Variants in LAMA1 observed in about 807,000 individuals in gnomAD.
The protein encoded by LAMA1 is laminin subunit alpha 1.
A neutral mutation model predicts 348.7 loss-of-function variants in LAMA1; 219 were observed. That is an observed-to-expected ratio of 0.63 (90% CI 0.56 to 0.70). The LOEUF (loss-of-function observed/expected upper bound fraction) is 0.70, where lower values mean the gene tolerates loss of function less well. Among genes scored for constraint, LAMA1 ranks in the 30% least tolerant of loss-of-function variants. The pLI is 0.00. For missense variants in LAMA1, 3,744 were observed against 3,888.0 expected, an observed-to-expected ratio of 0.96 and a Z score of 0.99; for synonymous variants, 1,487 against 1,491.0, an observed-to-expected ratio of 1.00 and a Z score of 0.06.
At position 6,956,631 on chromosome 18, in the gene LAMA1, CCTA is replaced by C; in HGVS notation, c.8094+2_8094+4del. The C allele has an allele frequency of 6.2e-7, 1 of 1,614,100 alleles. No homozygotes were observed. Among genetic ancestry groups the C allele is most frequent in the Non-Finnish European group, 8.5e-7 (1 of 1,180,036 alleles). ...CTGACTGATAGTAAAGGAAGCCGCT[CCTA>C]CTGGAAAAGCCCGGGGCTCTGGCAA... On this transcript the variant is annotated splice_donor_variant and splice_donor_region_variant and intron_variant, in intron 56 of 62. Coordinates refer to ENST00000389658, the MANE Select transcript of LAMA1 (RefSeq NM_005559.4). LOFTEE classifies it high-confidence loss of function.
intron 50 of LAMA1, among the ~76,000 whole-genome samples, 172 bp from the exon 51 acceptor site, chr18:6,964,975 A>G (rs1278952943): frequency 6.6e-6 from 1 of 152,196 alleles, no homozygotes; most frequent in African/African-American, 2.4e-5. Context: ...AATCCTCTCT[A>G]TCAAAGTCAA....
At chr18:7,055,033 G>A (rs974956833) in intron 3 of LAMA1, among the ~76,000 whole-genome samples, 2 of 151,954 alleles carry the variant, frequency 1.3e-5, no homozygotes, top group Non-Finnish European at 2.9e-5. Flanking sequence ...AGTCTTTTAC[G>A]GAAGTCAAAT....
At chr18:7,107,699 C>A (rs181162818) in intron 1 of LAMA1, among the ~76,000 whole-genome samples, 1 of 152,180 alleles carries the variant, frequency 6.6e-6, no homozygotes, top group East Asian at 1.9e-4. Flanking sequence ...TAAGGAAATA[C>A]TATTCTCCTC....
At chr18:7,090,183 AAAAATTATTTTAAACCACTACT>A in intron 1 of LAMA1, among the ~76,000 whole-genome samples, 1 of 152,330 alleles carries the variant, frequency 6.6e-6, no homozygotes, top group East Asian at 1.9e-4. Flanking sequence ...GTTATAAGTT[AAAAATTATTTTAAACCACTACT>A]AAATGAACTC....
chr18:7,063,882 G>A (rs756669578), intron 3 of LAMA1, among the ~76,000 whole-genome samples: 35 of 152,276 alleles, frequency 2.3e-4, no homozygotes, highest in Non-Finnish European at 3.7e-4. Flanking sequence ...GGTGTTTAAG[G>A]GGTACAGAGT....
At chr18:7,084,287 T>A (rs1272568183) in intron 1 of LAMA1, among the ~76,000 whole-genome samples, 1 of 151,986 alleles carries the variant, frequency 6.6e-6, no homozygotes, top group Non-Finnish European at 1.5e-5. Flanking sequence ...GGGAACCACA[T>A]GACCATTGAG....
At chr18:7,081,364 A>G (rs899140824) in intron 1 of LAMA1, among the ~76,000 whole-genome samples, 5 of 152,204 alleles carry the variant, frequency 3.3e-5, no homozygotes, top group African/African-American at 1.2e-4. Context: ...ACTTTGGTCC[A>G]GTTGACTCTG....
intron 3 of LAMA1, among the ~76,000 whole-genome samples, chr18:7,074,164 G>A (rs1486333211): frequency 6.6e-6 from 1 of 152,082 alleles, no homozygotes; most frequent in African/African-American, 2.4e-5. Flanking sequence ...ATAACACTGT[G>A]CCATTTTACA....
At chr18:7,031,432 T>C (rs1408685237) in intron 16 of LAMA1, among the ~76,000 whole-genome samples, 1 of 152,204 alleles carries the variant, frequency 6.6e-6, no homozygotes, top group Non-Finnish European at 1.5e-5. Flanking sequence ...AAGAAGTACC[T>C]GTTTGATTAA....
chr18:6,969,118 C>T (rs75470883), intron 48 of LAMA1, among the ~76,000 whole-genome samples: 1,535 of 151,732 alleles, frequency 0.01, 29 homozygotes, highest in East Asian at 0.083. Flanking sequence ...ATATGTTTTA[C>T]GAGGCAGATG....
intron 3 of LAMA1, among the ~76,000 whole-genome samples, chr18:7,077,171 A>G (rs946258520): frequency 1.3e-5 from 2 of 149,694 alleles, no homozygotes; most frequent in African/African-American, 2.5e-5. Context: ...GCCTATAACT[A>G]TATGTCTATG....
Position 7,053,897 on chromosome 18 carries a change from C to T in LAMA1, c.346-2961G>A, listed in dbSNP as rs907865016. ...CTCCTGGGCTCAAGTGATCCTCCCA[C>T]CTCGGCCTCCAGAGTGGCATGCAGC... On this transcript the variant is annotated intron_variant, in intron 3 of 62. Coordinates refer to ENST00000389658, the MANE Select transcript of LAMA1 (RefSeq NM_005559.4). Among the ~76,000 whole-genome samples, 14 of 152,032 alleles carry T rather than the reference C, an allele frequency of 9.2e-5. No individual in the cohort carries two copies. The East Asian group carries it at 1.2e-3, about 13-fold the overall frequency.
At chr18:7,075,312 A>G (rs1029239188) in intron 3 of LAMA1, among the ~76,000 whole-genome samples, 2 of 152,244 alleles carry the variant, frequency 1.3e-5, no homozygotes, top group East Asian at 1.9e-4. Flanking sequence ...AGGGGGGGGA[A>G]GTTAAAAAAA....
At chr18:7,065,934 T>C (rs550405376) in intron 3 of LAMA1, among the ~76,000 whole-genome samples, 5 of 152,224 alleles carry the variant, frequency 3.3e-5, no homozygotes, top group African/African-American at 9.6e-5. Flanking sequence ...TGCATACAAA[T>C]TGCAAAGAGA....
At position 7,010,394 on chromosome 18, in the gene LAMA1, T is replaced by C. The variant is rs2086126645; in HGVS notation, c.3688-9A>G. ...CCACCATAGGCCATGAGCTATCAAA[T>C]AATAAAGTGTTGTTTACTTCTCTGA... On this transcript the variant is annotated splice_polypyrimidine_tract_variant and intron_variant, in intron 25 of 62. Coordinates refer to ENST00000389658, the MANE Select transcript of LAMA1 (RefSeq NM_005559.4). 1 of 1,613,170 alleles carries C rather than the reference T, an allele frequency of 6.2e-7. No homozygotes were observed. Among genetic ancestry groups the C allele is most frequent in the Non-Finnish European group, 8.5e-7 (1 of 1,179,570 alleles).
chr18:7,025,972 G>T lies in LAMA1; in HGVS notation c.2402+7C>A. On this transcript the variant is annotated splice_region_variant and intron_variant, in intron 17 of 62. Transcript: ENST00000389658. ...GGCAGGAACCGCTGATGAGGTCCGA[G>T]GCTTACTTGTTGGAGGCTATGGTGA... 1 of 1,605,070 alleles carries T rather than the reference G, an allele frequency of 6.2e-7. No individual in the cohort carries two copies. Among genetic ancestry groups the T allele is most frequent in the Admixed American group, 1.7e-5 (1 of 58,792 alleles).
intron 3 of LAMA1, among the ~76,000 whole-genome samples, chr18:7,068,221 A>G (rs61387116): frequency 0.14 from 20,792 of 151,986 alleles, 4,698 homozygotes; most frequent in African/African-American, 0.47. Context: ...GTCCCTGCAC[A>G]CTCTACACCA....
chr18:7,063,601 G>A (rs1318742310), intron 3 of LAMA1, among the ~76,000 whole-genome samples: 2 of 152,130 alleles, frequency 1.3e-5, no homozygotes, highest in African/African-American at 2.4e-5. Context: ...AACAGCCCAG[G>A]TACCCGTTGA....
chr18:7,033,610 T>C (rs1392434037), intron 14 of LAMA1, among the ~76,000 whole-genome samples: 1 of 152,170 alleles, frequency 6.6e-6, no homozygotes, highest in African/African-American at 2.4e-5. Context: ...TGCCCATAGA[T>C]GACTGTGGGA....
Sources: allele counts gnomAD v4.1 joint callset (sites outside exome capture counted in the v4.1 genomes callset), GRCh38; gene constraint gnomAD v4.1.1; transcripts MANE v1.5; gene names NCBI Gene and HGNC (gene_info 2026-07-23, HGNC 2026-07-21).